Variants in PTPN3 observed in about 807,000 individuals in gnomAD.
PTPN3 encodes the protein protein tyrosine phosphatase non-receptor type 3.
A neutral mutation model predicts 132.7 loss-of-function variants in PTPN3; 96 were observed. That is an observed-to-expected ratio of 0.72 (90% CI 0.61 to 0.86). The LOEUF (loss-of-function observed/expected upper bound fraction) is 0.86, where lower values mean the gene tolerates loss of function less well. PTPN3 is among the 40% of genes least tolerant of loss of function. The pLI, the probability that PTPN3 is intolerant of heterozygous loss-of-function variation, is 0.00. For missense variants in PTPN3, 1,125 were observed against 1,159.6 expected (o/e 0.97, Z 0.43); for synonymous variants, 398 against 429.0 (o/e 0.93, Z 0.89).
chr9:109,382,869 C>T (rs1839232255), intron 23 of PTPN3, among the ~76,000 whole-genome samples: 1 of 151,704 alleles, frequency 6.6e-6, no homozygotes, highest in African/African-American at 2.4e-5. Flanking sequence ...GTAGAGCCAT[C>T]AGCACTACCT....
the PTPN3 span, among the ~76,000 whole-genome samples, chr9:109,510,575 AAATATAT>A: frequency 2.4e-5 from 1 of 41,504 alleles, no homozygotes; most frequent in African/African-American, 7.6e-5. Context: ...AAAAAAAAAA[AAATATAT>A]ATATATATAT....
At chr9:109,422,590 T>C in intron 13 of PTPN3, 128 bp downstream of exon 13, 2 of 1,113,776 alleles carry the variant, frequency 1.8e-6, no homozygotes, top group South Asian at 3.4e-5. Flanking sequence ...CAGTTACTTC[T>C]GCCAAGAGCC....
chr9:109,433,003 G>A, intron 10 of PTPN3, 70 bp downstream of exon 10: 1 of 1,580,336 alleles, frequency 6.3e-7, no homozygotes, highest in Non-Finnish European at 8.6e-7. Flanking sequence ...AGAATGGGAG[G>A]TAACATTACT....
At chr9:109,465,104 A>G (rs536130010) in intron 1 of PTPN3, among the ~76,000 whole-genome samples, 11 of 152,368 alleles carry the variant, frequency 7.2e-5, no homozygotes, top group African/African-American at 2.4e-4. Flanking sequence ...AGAGAGTATA[A>G]TATTTATGAA....
rs141754173 is a variant in PTPN3, at chr9:109,487,701, ACT to A, written c.-18+10516_-18+10517del. Among the ~76,000 whole-genome samples the A allele has an allele frequency of 9.3e-3, 1,411 of 152,380 alleles. 30 individuals are homozygous for A. Among genetic ancestry groups the A allele is most frequent in the African/African-American group, 0.032 (1,335 of 41,586 alleles). ...AGCCTAGCAACTTCTACATAGAGAA[ACT>A]CAGCAAGAAATGCCTAACTGCTTCA... is the stretch of plus-strand genomic sequence containing the variant. On this transcript the variant is annotated intron_variant, in intron 1 of 25. Transcript: ENST00000374541.
intron 19 of PTPN3, among the ~76,000 whole-genome samples, chr9:109,395,951 G>A (rs1292860868): frequency 1.3e-5 from 2 of 149,670 alleles, no homozygotes; most frequent in East Asian, 4.0e-4. Flanking sequence ...CCACCTCCTG[G>A]GTTAAAGTGA....
At chr9:109,528,179 G>C in the PTPN3 span, among the ~76,000 whole-genome samples, 1 of 152,154 alleles carries the variant, frequency 6.6e-6, no homozygotes, top group African/African-American at 2.4e-5. Flanking sequence ...TTATTGGACA[G>C]TATTTACTCA....
rs2274785 is a variant in PTPN3 at position 109,428,604 on chromosome 9, A to G, written c.828+17T>C. ...ACATATGCACGAAACAAAGCAAGCA[A>G]AGACATAACTACTCACCTGTTTCTG... On this transcript the variant is annotated intron_variant, in intron 11 of 25. Coordinates refer to ENST00000374541, the MANE Select transcript of PTPN3 (RefSeq NM_002829.4). 0.032 allele frequency: 51,263 copies of G among 1,611,268 alleles called. 1,429 individuals carry two copies. The highest frequency in any genetic ancestry group is 0.16 in the East Asian group (6,967 of 44,832).
chr9:109,385,099 C>A (rs1400986168), intron 22 of PTPN3, among the ~76,000 whole-genome samples: 1 of 152,218 alleles, frequency 6.6e-6, no homozygotes, highest in South Asian at 2.1e-4. Flanking sequence ...CCATGCAAGG[C>A]AGAACTACCA....
At chr9:109,518,319 A>G in the PTPN3 span, among the ~76,000 whole-genome samples, 79,872 of 152,122 alleles carry the variant, frequency 0.53, 21,941 homozygotes, top group East Asian at 0.85. Flanking sequence ...GAACTCAGAC[A>G]TGGCACCCAC....
intron 23 of PTPN3, 147 bp from the exon 24 acceptor site, chr9:109,382,594 CCTT>C (rs1449026051): frequency 1.1e-6 from 1 of 894,932 alleles, no homozygotes; most frequent in African/African-American, 1.7e-5. Flanking sequence ...TTCCTCCCCT[CCTT>C]CCCCAAAGAT....
intron 5 of PTPN3, chr9:109,450,369 A>G (rs1005488591): frequency 1.0e-6 from 1 of 984,856 alleles, no homozygotes; most frequent in South Asian, 4.7e-5. Flanking sequence ...CTACAATGCT[A>G]CTGAGAGAAA....
At chr9:109,393,861 T>G (rs1840345421) in intron 19 of PTPN3, among the ~76,000 whole-genome samples, 1 of 152,264 alleles carries the variant, frequency 6.6e-6, no homozygotes, top group South Asian at 2.1e-4. Context: ...ACTAAATAAA[T>G]AAATTACACA....
intron 13 of PTPN3, among the ~76,000 whole-genome samples, chr9:109,421,166 C>T (rs1394327353): frequency 6.6e-6 from 1 of 152,142 alleles, no homozygotes; most frequent in Non-Finnish European, 1.5e-5. Context: ...GACTGTCCTC[C>T]AACAGTGGCA....
intron 10 of PTPN3, among the ~76,000 whole-genome samples, chr9:109,432,061 G>T (rs962629747): frequency 6.8e-6 from 1 of 148,056 alleles, no homozygotes; most frequent in Admixed American, 6.8e-5. Flanking sequence ...ATATAATATA[G>T]GGTATATTAT....
chr9:109,526,621 G>A, the PTPN3 span, among the ~76,000 whole-genome samples: 2 of 152,266 alleles, frequency 1.3e-5, no homozygotes, highest in Non-Finnish European at 2.9e-5. Flanking sequence ...GCTGCAGTGG[G>A]CTGCGTTCAT....
At position 109,378,402 on chromosome 9, in the gene PTPN3, G is replaced by C. The variant is rs1292321517; in HGVS notation, c.*1154C>G. Reference sequence around the variant, plus strand: ...ATCAGATTGTGTTTATATTCAGATAGTCTGATCCTCTCCTTTGAAATGCAA... The same window carrying C: ...ATCAGATTGTGTTTATATTCAGATACTCTGATCCTCTCCTTTGAAATGCAA... On this transcript the variant is annotated 3_prime_UTR_variant, in exon 26 of 26. Coordinates refer to ENST00000374541, the MANE Select transcript of PTPN3 (RefSeq NM_002829.4). 6.6e-6 allele frequency: 1 copy of C among 152,618 alleles called. No homozygotes were observed. The highest frequency in any genetic ancestry group is 1.5e-5 in the Non-Finnish European group (1 of 68,038). 9.5% of individuals were successfully genotyped at this position (152,618 alleles called of 1,614,324 possible).
chr9:109,454,133 A>AT (rs1438379476), intron 5 of PTPN3, among the ~76,000 whole-genome samples: 2 of 149,148 alleles, frequency 1.3e-5, no homozygotes, highest in Non-Finnish European at 3.0e-5. Flanking sequence ...TATTTTACAA[A>AT]TTTGTCTTCT....
rs888739287 is a variant in PTPN3, at chr9:109,376,821, G to A, written c.*2735C>T. 6 of 152,212 alleles carry A rather than the reference G, an allele frequency of 3.9e-5. No homozygotes were observed. The highest frequency in any genetic ancestry group is 1.4e-4 in the African/African-American group (6 of 41,450). The allele number at this position is 152,212 out of a possible 1,614,324, so 9.4% of individuals were successfully genotyped here. A position where few individuals can be genotyped will look rare whatever the true frequency, so the allele number is the denominator to read the frequency against. On this transcript the variant is annotated 3_prime_UTR_variant, in exon 26 of 26. Coordinates refer to ENST00000374541, the MANE Select transcript of PTPN3 (RefSeq NM_002829.4). ...GTGGTAATAGCTACAGGATTTACTT[G>A]AATTGTTTGCTCTTTTAGGTAATTC...
Sources: allele counts gnomAD v4.1 joint callset (sites outside exome capture counted in the v4.1 genomes callset), GRCh38; gene constraint gnomAD v4.1.1; transcripts MANE v1.5; gene names NCBI Gene and HGNC (gene_info 2026-07-23, HGNC 2026-07-21).